The following POU6F2 variants were observed in gnomAD, a reference collection of about 807,000 sequenced individuals.
POU6F2 encodes the protein POU domain, class 6, transcription factor 2.
A neutral mutation model predicts 71.3 loss-of-function variants in POU6F2; 31 were observed. The ratio of observed to expected loss-of-function variants is 0.43; its 90% CI spans 0.33 to 0.59. POU6F2 has a LOEUF of 0.59. Among genes scored for constraint, POU6F2 ranks in the 20% least tolerant of loss-of-function variants. POU6F2 has a pLI of 0.04. For synonymous variants in POU6F2, 347 were observed against 355.7 expected, an observed-to-expected ratio of 0.98 and a Z score of 0.27; for missense variants, 783 against 856.8, an observed-to-expected ratio of 0.91 and a Z score of 1.07.
rs139916970 is a variant in POU6F2, at chr7:39,184,172, T to G, written c.278-20063T>G. ...TAGGCCAATAAATTATGGATTTATT[T>G]GCACAGCAATAGAATCATCATAAAG... On this transcript the variant is annotated intron_variant, in intron 2 of 9. Transcript: ENST00000518318. 7.2e-5 allele frequency among the ~76,000 whole-genome samples: 11 copies of G among 152,368 alleles called. No individual in the cohort carries two copies. In the East Asian group the frequency reaches 2.1e-3, roughly 29 times the overall value.
At chr7:39,034,568 C>A (rs1790017381) in intron 1 of POU6F2, 4 of 344,690 alleles carry the variant, frequency 1.2e-5, no homozygotes, top group South Asian at 6.3e-5. Flanking sequence ...GGCTTTGATG[C>A]TGCAGAAGGT....
rs547080987 is a variant in POU6F2, at chr7:39,073,642, G to A, written c.106-12218G>A. 3.9e-5 allele frequency among the ~76,000 whole-genome samples: 6 copies of A among 152,350 alleles called. No homozygotes were observed. In the South Asian group the frequency reaches 8.3e-4, roughly 21 times the overall value. Reference sequence around the variant, plus strand: ...GGAGGGACGGAGCAGCTGGCGCTGGGCGCAGCCGTGTACAGACCCAAGGCA... The same window carrying A: ...GGAGGGACGGAGCAGCTGGCGCTGGACGCAGCCGTGTACAGACCCAAGGCA... On this transcript the variant is annotated intron_variant, in intron 1 of 9. Coordinates refer to ENST00000518318, the MANE Select transcript of POU6F2 (RefSeq NM_001370959.1).
intron 4 of POU6F2, among the ~76,000 whole-genome samples, chr7:39,292,235 C>G (rs2128762428): frequency 6.6e-6 from 1 of 152,336 alleles, no homozygotes; most frequent in African/African-American, 2.4e-5. Context: ...GAGTCCCGAG[C>G]TCATCTTCCT....
intron 4 of POU6F2, among the ~76,000 whole-genome samples, chr7:39,294,203 T>C (rs1367074478): frequency 6.6e-6 from 1 of 151,400 alleles, no homozygotes; most frequent in Non-Finnish European, 1.5e-5. Flanking sequence ...GCAACAGCTG[T>C]CTCTATTTTT....
chr7:39,024,918 T>A (rs1789764047), intron 1 of POU6F2, among the ~76,000 whole-genome samples: 1 of 152,198 alleles, frequency 6.6e-6, no homozygotes, highest in African/African-American at 2.4e-5. Context: ...AGTATTTTAT[T>A]GAGGATTTTT....
At position 39,087,826 on chromosome 7, in the gene POU6F2, G is replaced by A. The variant is rs377104912; in HGVS notation, c.277+1795G>A. 5.6e-4 allele frequency among the ~76,000 whole-genome samples: 85 copies of A among 152,164 alleles called. 1 individual carries two copies. The South Asian group carries it at 0.017, about 30-fold the overall frequency. The stretch of plus-strand genomic sequence containing the variant: ...CAAGTAATCCAAAAGAGGGGTGATT[G>A]ATTTTTTTCATTTGTTTAGGGTTCC... On this transcript the variant is annotated intron_variant, in intron 2 of 9. Coordinates refer to ENST00000518318, the MANE Select transcript of POU6F2 (RefSeq NM_001370959.1).
intron 5 of POU6F2, among the ~76,000 whole-genome samples, chr7:39,344,276 C>G (rs970004934): frequency 6.6e-6 from 1 of 152,068 alleles, no homozygotes; most frequent in Admixed American, 6.5e-5. Flanking sequence ...ATGAGGGGCA[C>G]GGTCACCTCC....
At chr7:39,000,560 CACACA>C (rs780037553) in intron 1 of POU6F2, among the ~76,000 whole-genome samples, 15 of 146,954 alleles carry the variant, frequency 1.0e-4, no homozygotes, top group Non-Finnish European at 1.7e-4. Flanking sequence ...CACACACACA[CACACA>C]CCCTCCCAAC....
intron 2 of POU6F2, among the ~76,000 whole-genome samples, chr7:39,129,358 T>C (rs868185894): frequency 2.0e-5 from 3 of 152,180 alleles, no homozygotes; most frequent in South Asian, 4.1e-4. Context: ...TCTATGAATA[T>C]CAGATAAAGG....
At chr7:39,372,469 A>G (rs1786633931) in intron 5 of POU6F2, among the ~76,000 whole-genome samples, 3 of 152,240 alleles carry the variant, frequency 2.0e-5, no homozygotes, top group African/African-American at 7.2e-5. Context: ...CAGAGCTGAT[A>G]TACCAGATAG....
intron 1 of POU6F2, among the ~76,000 whole-genome samples, chr7:38,998,838 T>TTTTG (rs869182741): frequency 0.015 from 2,096 of 141,226 alleles, 23 homozygotes; most frequent in Middle Eastern, 0.056. Context: ...TTTTTTTTTT[T>TTTTG]TATTTTCAGT....
intron 2 of POU6F2, among the ~76,000 whole-genome samples, chr7:39,135,340 T>C (rs1244532885): frequency 3.3e-5 from 5 of 152,318 alleles, no homozygotes; most frequent in East Asian, 1.9e-4. Context: ...ATCTCAGCCA[T>C]TGTGGCATTT....
In POU6F2 at chr7:39,246,515, G is replaced by A. The variant is rs571618315; in HGVS notation, c.598+38895G>A. Among the ~76,000 whole-genome samples, 45 of 152,268 alleles carry A rather than the reference G, an allele frequency of 3.0e-4. 2 individuals are homozygous for A. The South Asian group carries it at 9.3e-3, about 32-fold the overall frequency. On this transcript the variant is annotated intron_variant, in intron 4 of 9. Transcript: ENST00000518318. ...TAAGCCAAGCTGTCTGGCATCAGGT[G>A]TCAACCCCAGCCCTCCTTTGACCTT...
intron 5 of POU6F2, among the ~76,000 whole-genome samples, chr7:39,353,109 G>A (rs2115678127): frequency 6.6e-6 from 1 of 152,352 alleles, no homozygotes; most frequent in Middle Eastern, 3.4e-3. Flanking sequence ...GAGGCAGGTG[G>A]ACCTAGGAAC....
chr7:39,323,110 T>TA (rs1785430451), intron 4 of POU6F2, among the ~76,000 whole-genome samples: 1 of 147,308 alleles, frequency 6.8e-6, no homozygotes, highest in Non-Finnish European at 1.5e-5. Context: ...ACAGGAAGAT[T>TA]TAAAAAAAAA....
chr7:39,335,650 G>A lies in POU6F2; in HGVS notation c.599-3992G>A, dbSNP rs79805814. 5.7e-3 allele frequency among the ~76,000 whole-genome samples: 864 copies of A among 152,310 alleles called. 8 individuals are homozygous for A. The highest frequency in any genetic ancestry group is 0.02 in the African/African-American group (835 of 41,554). The stretch of plus-strand genomic sequence containing the variant: ...AGACTGAGTTCTATATGTATAACAT[G>A]GCAATAACACCATCTATCCATACAG... On this transcript the variant is annotated intron_variant, in intron 4 of 9. Coordinates refer to ENST00000518318, the MANE Select transcript of POU6F2 (RefSeq NM_001370959.1).
intron 1 of POU6F2, among the ~76,000 whole-genome samples, chr7:39,080,010 T>C (rs1791083801): frequency 6.6e-6 from 1 of 152,234 alleles, no homozygotes; most frequent in South Asian, 2.1e-4. Flanking sequence ...ATAATACTTT[T>C]AGCATCCTTC....
At chr7:39,201,924 T>A (rs1449172066) in intron 2 of POU6F2, among the ~76,000 whole-genome samples, 1 of 152,112 alleles carries the variant, frequency 6.6e-6, no homozygotes, top group Non-Finnish European at 1.5e-5. Flanking sequence ...GCGTGATACA[T>A]CTGTTTGGGG....
intron 7 of POU6F2, among the ~76,000 whole-genome samples, chr7:39,433,609 G>T (rs1788163313): frequency 2.0e-5 from 3 of 152,070 alleles, no homozygotes; most frequent in Admixed American, 2.0e-4. Context: ...AGGTCAAAAA[G>T]AAACCAAGAA....
Sources: gnomAD v4.1 joint callset for allele counts (sites outside exome capture counted in the v4.1 genomes callset) on GRCh38, gnomAD v4.1.1 for gene constraint, MANE v1.5 for transcripts, NCBI Gene and HGNC (gene_info 2026-07-23, HGNC 2026-07-21) for gene names.